The following MAPK8 variants were observed in gnomAD, a reference collection of about 807,000 sequenced individuals.
The protein encoded by MAPK8 is mitogen-activated protein kinase 8.
A neutral mutation model predicts 52.9 loss-of-function variants in MAPK8; 13 were observed. That is an observed-to-expected ratio of 0.25 (90% CI 0.16 to 0.39). MAPK8 has a LOEUF of 0.39. Among genes scored for constraint, MAPK8 ranks in the 10% least tolerant of loss-of-function variants. The pLI is 1.00. For synonymous variants in MAPK8, 191 were observed against 169.8 expected (o/e 1.12, Z -0.97); for missense variants, 300 against 519.2 (o/e 0.58, Z 4.10).
At position 48,435,170 on chromosome 10, in the gene MAPK8, T is replaced by C. The variant is rs1278902494; in HGVS notation, c.*141T>C. On this transcript the variant is annotated 3_prime_UTR_variant, in exon 12 of 12. Coordinates refer to ENST00000374189, the MANE Select transcript of MAPK8 (RefSeq NM_001323329.2). ...TCATTTTGTAGTAAAGTAGTTTATT[T>C]TTTTTAATTTCAAGTGATGTAATTT... 5 of 605,380 alleles carry C rather than the reference T, an allele frequency of 8.3e-6. No individual in the cohort carries two copies. The East Asian group carries it at 1.2e-4, about 15-fold the overall frequency. The allele number at this position is 605,380 out of a possible 1,614,324, so 37.5% of individuals were successfully genotyped here.
In MAPK8 at chr10:48,331,274, C is replaced by G. The variant is rs146171471; in HGVS notation, c.-50+24453C>G. 3.1e-3 allele frequency among the ~76,000 whole-genome samples: 479 copies of G among 152,340 alleles called. 3 individuals carry two copies. The highest frequency in any genetic ancestry group is 0.011 in the African/African-American group (466 of 41,578). On this transcript the variant is annotated intron_variant, in intron 1 of 11. Transcript: ENST00000374189. ...AAGACCTGGCAGGCATCAAATCTTA[C>G]AGTCTGGGATGCTACTGTCTTGGTT...
rs2132977018 is a variant in MAPK8 at position 48,401,727 on chromosome 10, C to A, written c.67C>A (p.Leu23Met). Residue 23 changes from leucine (L) to methionine (M), a missense_variant, in exon 2 of 12, where the codon CTG becomes ATG. By Grantham distance (15) the Leu-to-Met change is conservative. Transcript: ENST00000374189. Reference sequence around the variant, plus strand: ...GATTGGAGATTCTACATTCACAGTCCTGAAACGATATCAGAATTTAAAACC... The same window carrying A: ...GATTGGAGATTCTACATTCACAGTCATGAAACGATATCAGAATTTAAAACC... ...VEIGDSTFTV[L>M]KRYQNLKPIG... 6.3e-7 allele frequency: 1 copy of A among 1,586,824 alleles called. No homozygotes were observed. The highest frequency in any genetic ancestry group is 1.1e-5 in the South Asian group (1 of 87,040).
At chr10:48,358,833 A>G (rs923341515) in intron 1 of MAPK8, among the ~76,000 whole-genome samples, 11 of 152,194 alleles carry the variant, frequency 7.2e-5, no homozygotes, top group South Asian at 2.1e-4. Flanking sequence ...CATGTTGGCA[A>G]TCTAGTTGTC....
chr10:48,404,704 G>A, intron 2 of MAPK8, 148 bp from the exon 3 acceptor site: 2 of 572,814 alleles, frequency 3.5e-6, no homozygotes, highest in Non-Finnish European at 6.1e-6. Flanking sequence ...AATAGATATA[G>A]AAGACACATG....
intron 1 of MAPK8, among the ~76,000 whole-genome samples, chr10:48,319,646 G>A (rs896803174): frequency 6.6e-6 from 1 of 151,346 alleles, no homozygotes; most frequent in African/African-American, 2.4e-5. Context: ...CCTGCCACTA[G>A]GCCTGGCTAA....
At chr10:48,329,378 C>T (rs1335038147) in intron 1 of MAPK8, among the ~76,000 whole-genome samples, 2 of 152,076 alleles carry the variant, frequency 1.3e-5, no homozygotes, top group Non-Finnish European at 2.9e-5. Context: ...TAAGCAATAA[C>T]GTTTTGAGAT....
At chr10:48,339,869 T>G (rs957726299) in intron 1 of MAPK8, among the ~76,000 whole-genome samples, 2 of 152,158 alleles carry the variant, frequency 1.3e-5, no homozygotes, top group African/African-American at 2.4e-5. Flanking sequence ...TCATAGCAGT[T>G]AGATGGCTGT....
chr10:48,333,194 C>T (rs191594734), intron 1 of MAPK8, among the ~76,000 whole-genome samples: 1 of 152,326 alleles, frequency 6.6e-6, no homozygotes, highest in East Asian at 1.9e-4. Context: ...TGTCTGGATT[C>T]AGGCAAGTAT....
At chr10:48,352,482 G>GTCAATGAAATCTA (rs1846432478) in intron 1 of MAPK8, among the ~76,000 whole-genome samples, 1 of 152,140 alleles carries the variant, frequency 6.6e-6, no homozygotes, top group Non-Finnish European at 1.5e-5. Context: ...TTGAAAATCT[G>GTCAATGAAATCTA]TCAATGTAAT....
intron 1 of MAPK8, among the ~76,000 whole-genome samples, chr10:48,376,909 C>T (rs533578230): frequency 9.2e-5 from 14 of 152,270 alleles, no homozygotes; most frequent in South Asian, 4.1e-4. Flanking sequence ...TATAAAGACA[C>T]ATGCACATGT....
At chr10:48,372,482 G>A (rs1198818808) in intron 1 of MAPK8, among the ~76,000 whole-genome samples, 3 of 151,928 alleles carry the variant, frequency 2.0e-5, no homozygotes, top group Non-Finnish European at 4.4e-5. Flanking sequence ...CTGGAAAAAA[G>A]GTTAGACAAA....
chr10:48,342,062 G>A (rs910490168), intron 1 of MAPK8, among the ~76,000 whole-genome samples: 7 of 152,208 alleles, frequency 4.6e-5, no homozygotes, highest in Non-Finnish European at 8.8e-5. Context: ...AGTATGCAGG[G>A]CCTATATCAC....
At position 48,436,971 on chromosome 10, in the gene MAPK8, TTA is replaced by T. The variant is rs2133422290; in HGVS notation, c.*1944_*1945del. On this transcript the variant is annotated 3_prime_UTR_variant, in exon 12 of 12. Transcript: ENST00000374189. Reference sequence around the variant, plus strand: ...TTAGCTGTATTTTCTGTAGCATAGATTATGTCACTGTTGCACTTTCACAGCAG... The same window carrying T: ...TTAGCTGTATTTTCTGTAGCATAGATTGTCACTGTTGCACTTTCACAGCAG... The T allele has an allele frequency of 6.6e-6, 1 of 152,364 alleles. No homozygotes were observed. Among genetic ancestry groups the T allele is most frequent in the East Asian group, 1.9e-4 (1 of 5,192 alleles). 9.4% of individuals were successfully genotyped at this position (152,364 alleles called of 1,614,324 possible).
intron 7 of MAPK8, among the ~76,000 whole-genome samples, chr10:48,424,805 C>A (rs1453750056): frequency 1.3e-5 from 2 of 151,996 alleles, no homozygotes; most frequent in African/African-American, 4.8e-5. Context: ...CAATTACTTG[C>A]TGGCTTTGAG....
intron 1 of MAPK8, among the ~76,000 whole-genome samples, chr10:48,311,724 ATTAT>A (rs1229432393): frequency 6.6e-6 from 1 of 152,098 alleles, no homozygotes; most frequent in Non-Finnish European, 1.5e-5. Flanking sequence ...AATGAGGGAG[ATTAT>A]TTATTAGTAC....
intron 10 of MAPK8, 154 bp from the exon 11 acceptor site, chr10:48,431,039 C>T (rs1437238914): frequency 1.5e-6 from 1 of 651,156 alleles, no homozygotes; most frequent in East Asian, 2.8e-5. Context: ...TAATTAACAT[C>T]CTTGAATCTT....
intron 1 of MAPK8, among the ~76,000 whole-genome samples, chr10:48,398,434 A>G (rs1226765550): frequency 9.2e-5 from 14 of 152,238 alleles, no homozygotes; most frequent in Admixed American, 4.6e-4. Flanking sequence ...CCACTAGTAT[A>G]GATAAAATTA....
At chr10:48,360,201 A>T (rs1309715875) in intron 1 of MAPK8, among the ~76,000 whole-genome samples, 1 of 152,182 alleles carries the variant, frequency 6.6e-6, no homozygotes, top group Non-Finnish European at 1.5e-5. Flanking sequence ...AAAGAACTCG[A>T]ACAGTTGAAC....
intron 10 of MAPK8, among the ~76,000 whole-genome samples, chr10:48,429,140 T>A (rs533283676): frequency 9.3e-4 from 142 of 152,070 alleles, no homozygotes; most frequent in Middle Eastern, 3.4e-3. Context: ...TAAAAAAAAA[T>A]TTTGTAGAGA....
Sources: allele counts gnomAD v4.1 joint callset (sites outside exome capture counted in the v4.1 genomes callset), GRCh38; gene constraint gnomAD v4.1.1; transcripts MANE v1.5; gene names NCBI Gene and HGNC (gene_info 2026-07-23, HGNC 2026-07-21).